Variants in ENTREP1 observed in about 807,000 individuals in gnomAD.
The protein encoded by ENTREP1 is Friedreich ataxia region gene X123.
the ENTREP1 span, chr9:69,386,148 G>GTT: frequency 4.7e-6 from 2 of 422,724 alleles, no homozygotes. Flanking sequence ...GGATGGTAGG[G>GTT]TTTTTTTGTT....
At chr9:69,336,751 G>T in the ENTREP1 span, among the ~76,000 whole-genome samples, 9 of 151,982 alleles carry the variant, frequency 5.9e-5, no homozygotes, top group African/African-American at 2.2e-4. Flanking sequence ...TCGCACTGTT[G>T]CCCAGGCTGG....
At chr9:69,371,104 T>G in the ENTREP1 span, among the ~76,000 whole-genome samples, 1 of 152,304 alleles carries the variant, frequency 6.6e-6, no homozygotes, top group East Asian at 1.9e-4. Flanking sequence ...CTCCTTCATG[T>G]CCCTGTGTTT....
At chr9:69,376,802 C>T in the ENTREP1 span, among the ~76,000 whole-genome samples, 6 of 152,184 alleles carry the variant, frequency 3.9e-5, no homozygotes, top group Non-Finnish European at 5.9e-5. Flanking sequence ...CCAACAGAAG[C>T]GTTTGGAATG....
chr9:69,361,575 G>A, the ENTREP1 span, among the ~76,000 whole-genome samples: 1 of 152,142 alleles, frequency 6.6e-6, no homozygotes, highest in African/African-American at 2.4e-5. Context: ...GGGCCATTAT[G>A]GCATGTGCTA....
At chr9:69,381,976 A>G in the ENTREP1 span, 5 of 152,342 alleles carry the variant, frequency 3.3e-5, no homozygotes, top group African/African-American at 1.2e-4. Flanking sequence ...GCCCTCAGCA[A>G]GCCCTCTCCT....
the ENTREP1 span, among the ~76,000 whole-genome samples, chr9:69,357,603 C>A: frequency 7.2e-5 from 11 of 152,198 alleles, no homozygotes; most frequent in East Asian, 1.4e-3. Flanking sequence ...TGTCAAGGGA[C>A]TGAAACTGGG....
the ENTREP1 span, chr9:69,325,389 G>C: frequency 8.9e-7 from 1 of 1,125,594 alleles, no homozygotes; most frequent in African/African-American, 1.6e-5. Flanking sequence ...GGGGGCCCGG[G>C]CGCCGCTGCC....
the ENTREP1 span, among the ~76,000 whole-genome samples, chr9:69,371,881 C>T: frequency 6.6e-6 from 1 of 152,166 alleles, no homozygotes; most frequent in Non-Finnish European, 1.5e-5. Context: ...GATCAGATGT[C>T]CACAATCAAT....
the ENTREP1 span, among the ~76,000 whole-genome samples, chr9:69,332,122 C>T: frequency 3.3e-5 from 5 of 152,274 alleles, no homozygotes; most frequent in Admixed American, 6.5e-5. Context: ...CATTACCATT[C>T]GAGAGGCTTC....
At chr9:69,375,274 G>A in the ENTREP1 span, among the ~76,000 whole-genome samples, 1 of 152,234 alleles carries the variant, frequency 6.6e-6, no homozygotes, top group African/African-American at 2.4e-5. Context: ...GCCTAGTATT[G>A]TCTGAGAGAG....
At chr9:69,387,884 T>C in the ENTREP1 span, 3 of 1,369,628 alleles carry the variant, frequency 2.2e-6, no homozygotes, top group African/African-American at 4.4e-5. Flanking sequence ...GTTTGCATTC[T>C]GGATTCTCCT....
chr9:69,340,544 T>C, the ENTREP1 span, among the ~76,000 whole-genome samples: 4 of 152,184 alleles, frequency 2.6e-5, no homozygotes, highest in Non-Finnish European at 5.9e-5. Flanking sequence ...TTGGTAAATA[T>C]TTGTAGCTAT....
the ENTREP1 span, among the ~76,000 whole-genome samples, chr9:69,367,074 A>G: frequency 6.8e-6 from 1 of 146,298 alleles, no homozygotes; most frequent in East Asian, 2.0e-4. Context: ...ACCCCACTAC[A>G]CCTGGCTAAT....
the ENTREP1 span, among the ~76,000 whole-genome samples, chr9:69,341,380 T>C: frequency 6.6e-6 from 1 of 152,198 alleles, no homozygotes; most frequent in Non-Finnish European, 1.5e-5. Flanking sequence ...GTATTGGCTA[T>C]TTAAAAAATG....
chr9:69,332,897 AT>A, the ENTREP1 span, among the ~76,000 whole-genome samples: 2 of 152,206 alleles, frequency 1.3e-5, no homozygotes, highest in African/African-American at 4.8e-5. Context: ...AAAACTAGAC[AT>A]AGAATGAATG....
chr9:69,371,435 G>C, the ENTREP1 span: 1 of 1,122,596 alleles, frequency 8.9e-7, no homozygotes, highest in Non-Finnish European at 1.4e-6. Context: ...TTTAAAATCA[G>C]GTAAAACTCT....
At chr9:69,375,954 C>T in the ENTREP1 span, 1 of 1,400,246 alleles carries the variant, frequency 7.1e-7, no homozygotes, top group Non-Finnish European at 9.7e-7. Context: ...TGTTCTATTA[C>T]CTCCCTCAAA....
At chr9:69,364,342 T>A in the ENTREP1 span, among the ~76,000 whole-genome samples, 1 of 151,438 alleles carries the variant, frequency 6.6e-6, no homozygotes, top group Non-Finnish European at 1.5e-5. Flanking sequence ...TCTCTAGATT[T>A]CAAATTCAGA....
At chr9:69,334,612 A>G in the ENTREP1 span, among the ~76,000 whole-genome samples, 1 of 152,274 alleles carries the variant, frequency 6.6e-6, no homozygotes, top group African/African-American at 2.4e-5. Flanking sequence ...GACACACTTT[A>G]TTTTACAAAG....
Sources: gnomAD v4.1 joint callset for allele counts (sites outside exome capture counted in the v4.1 genomes callset) on GRCh38, gnomAD v4.1.1 for gene constraint, MANE v1.5 for transcripts, NCBI Gene and HGNC (gene_info 2026-07-23, HGNC 2026-07-21) for gene names.